BLOC1S2: variants seen among roughly 807,000 people sequenced by gnomAD.
BLOC1S2 encodes biogenesis of lysosome-related organelles complex 1 subunit 2.
A neutral mutation model predicts 19.6 loss-of-function variants in BLOC1S2; 12 were observed. That is an observed-to-expected ratio of 0.61 (90% confidence interval 0.39 to 0.99). The LOEUF (loss-of-function observed/expected upper bound fraction) is 0.99, where lower values mean the gene tolerates loss of function less well. Ranked by LOEUF, BLOC1S2 falls within the 50% of genes least tolerant of loss-of-function variation. BLOC1S2 has a pLI of 0.00. For missense variants in BLOC1S2, 142 were observed against 171.0 expected (o/e 0.83, Z 0.95); for synonymous variants, 66 against 64.1 (o/e 1.03, Z -0.14).
intron 4 of BLOC1S2, among the ~76,000 whole-genome samples, chr10:100,277,209 A>G (rs1847911600): frequency 6.8e-6 from 1 of 147,036 alleles, no homozygotes; most frequent in African/African-American, 2.6e-5. Flanking sequence ...CTGAGAAGTG[A>G]GGAGACCCTC....
chr10:100,280,889 G>C (rs1848085439), intron 3 of BLOC1S2, 45 bp downstream of exon 3: 1 of 1,565,802 alleles, frequency 6.4e-7, no homozygotes, highest in Non-Finnish European at 8.6e-7. Context: ...AAGCACAAAA[G>C]AACATTAAAT....
In BLOC1S2 at chr10:100,277,668, C is replaced by T. The variant is rs546875394; in HGVS notation, c.398-2175G>A. 4.0e-3 allele frequency among the ~76,000 whole-genome samples: 546 copies of T among 135,822 alleles called. 11 individuals carry two copies. The highest frequency in any genetic ancestry group is 0.014 in the African/African-American group (510 of 35,716). 89.1% of individuals were successfully genotyped at this position (135,822 alleles called of 152,430 possible). A position where few individuals can be genotyped will look rare whatever the true frequency, so the allele number is the denominator to read the frequency against. On this transcript the variant is annotated intron_variant, in intron 4 of 4. Coordinates refer to ENST00000370372, the MANE Select transcript of BLOC1S2 (RefSeq NM_173809.5). ...CCAGGAGGGAGGTGGGGGGCTCAGC[C>T]CCCCCGCCCGGCCAGCCGCCCCGTC... is the stretch of plus-strand genomic sequence containing the variant.
At chr10:100,276,920 G>A (rs1342301976) in intron 4 of BLOC1S2, among the ~76,000 whole-genome samples, 2 of 152,170 alleles carry the variant, frequency 1.3e-5, no homozygotes, top group Admixed American at 6.5e-5. Context: ...CTGCCTGGCC[G>A]CCACCCCGTC....
chr10:100,277,328 A>C (rs1356177687), intron 4 of BLOC1S2, among the ~76,000 whole-genome samples: 9 of 147,400 alleles, frequency 6.1e-5, no homozygotes, highest in Non-Finnish European at 1.2e-4. Context: ...GCCGGGAGGG[A>C]GGTGGGGGTC....
chr10:100,282,187 T>A (rs1314582385), intron 2 of BLOC1S2, among the ~76,000 whole-genome samples: 1 of 152,208 alleles, frequency 6.6e-6, no homozygotes, highest in Non-Finnish European at 1.5e-5. Flanking sequence ...ATCAATATAT[T>A]CAGATTTCTT....
rs1554910962 is a variant in BLOC1S2 at position 100,281,693 on chromosome 10, A to AATATATATAT, written c.173-650_173-641dup. 3.2e-4 allele frequency among the ~76,000 whole-genome samples: 45 copies of AATATATATAT among 138,880 alleles called. 1 individual carries two copies. The highest frequency in any genetic ancestry group is 1.1e-3 in the Admixed American group (15 of 13,930). 91.1% of individuals were successfully genotyped at this position (138,880 alleles called of 152,430 possible). On this transcript the variant is annotated intron_variant, in intron 2 of 4. Transcript: ENST00000370372. Reference sequence around the variant, plus strand: ...GTGAGACTCCATCTCAAAAAAAAAAAATATATATATATACACATACACACA... The same window carrying AATATATATAT: ...GTGAGACTCCATCTCAAAAAAAAAAAATATATATATATATATATATATACACATACACACA...
At chr10:100,279,900 CA>C in intron 4 of BLOC1S2, 1 of 302,914 alleles carries the variant, frequency 3.3e-6, no homozygotes, top group Non-Finnish European at 5.9e-6. Context: ...AAACCAAAAA[CA>C]AAAACCAAAC....
Position 100,275,334 on chromosome 10 carries a change from G to C in BLOC1S2, c.*128C>G. 1 of 947,012 alleles carries C rather than the reference G, an allele frequency of 1.1e-6. No homozygotes were observed. Among genetic ancestry groups the C allele is most frequent in the East Asian group, 2.4e-5 (1 of 41,366 alleles). 58.7% of individuals were successfully genotyped at this position (947,012 alleles called of 1,614,324 possible). On this transcript the variant is annotated 3_prime_UTR_variant, in exon 5 of 5. Coordinates refer to ENST00000370372, the MANE Select transcript of BLOC1S2 (RefSeq NM_173809.5). Reference sequence around the variant, plus strand: ...CTCCAGTTTACTCGAACGTTGAGATGTTCCTGTGATGACCAGCATAATTTC... The same window carrying C: ...CTCCAGTTTACTCGAACGTTGAGATCTTCCTGTGATGACCAGCATAATTTC...
chr10:100,282,120 C>G (rs1383705696), intron 2 of BLOC1S2, among the ~76,000 whole-genome samples: 5 of 152,196 alleles, frequency 3.3e-5, no homozygotes, highest in Non-Finnish European at 7.3e-5. Context: ...CTTCAATCAT[C>G]TCCTTTCACT....
chr10:100,275,813 C>G (rs1847835129), intron 4 of BLOC1S2, among the ~76,000 whole-genome samples: 1 of 152,200 alleles, frequency 6.6e-6, no homozygotes. Flanking sequence ...AAAAAACTGC[C>G]TCTCTCAGCA....
intron 4 of BLOC1S2, among the ~76,000 whole-genome samples, chr10:100,277,338 C>G (rs1847919857): frequency 6.7e-6 from 1 of 149,250 alleles, no homozygotes; most frequent in African/African-American, 2.5e-5. Flanking sequence ...AGGTGGGGGT[C>G]AGCCCCCCGC....
intron 3 of BLOC1S2, among the ~76,000 whole-genome samples, chr10:100,280,628 T>C (rs73340072): frequency 0.049 from 7,437 of 152,306 alleles, 603 homozygotes; most frequent in African/African-American, 0.17. Context: ...GAGTTTTTGG[T>C]TTTCTGCTTA....
At chr10:100,276,322 C>CCT in intron 4 of BLOC1S2, among the ~76,000 whole-genome samples, 1 of 93,132 alleles carries the variant, frequency 1.1e-5, no homozygotes, top group South Asian at 2.9e-4. Context: ...CTCCCGTCTC[C>CCT]CTCTCTCTCT....
intron 1 of BLOC1S2, 76 bp from the exon 2 acceptor site, chr10:100,286,289 C>G: frequency 1.3e-6 from 2 of 1,543,716 alleles, no homozygotes; most frequent in East Asian, 4.6e-5. Flanking sequence ...GTTCCGACAT[C>G]CCTCCACTTG....
chr10:100,282,429 G>A (rs938467816), intron 2 of BLOC1S2, among the ~76,000 whole-genome samples: 1 of 152,170 alleles, frequency 6.6e-6, no homozygotes, highest in African/African-American at 2.4e-5. Flanking sequence ...CATTTGCTCA[G>A]TTCTTATCCT....
At chr10:100,279,695 A>G (rs566347962) in intron 4 of BLOC1S2, among the ~76,000 whole-genome samples, 2 of 152,286 alleles carry the variant, frequency 1.3e-5, no homozygotes, top group Admixed American at 6.5e-5. Flanking sequence ...CCTGACCAAC[A>G]TGAGAGACCC....
Position 100,284,801 on chromosome 10 carries a change from A to AAAT in BLOC1S2, c.172+1293_172+1295dup, listed in dbSNP as rs747849762. On this transcript the variant is annotated intron_variant, in intron 2 of 4. Coordinates refer to ENST00000370372, the MANE Select transcript of BLOC1S2 (RefSeq NM_173809.5). ...CCACCGTGCCTGGCCATATTTTTTTAAATAATAATAATAATAAAAGAAAAG... is the reference window on the plus strand; with the variant it reads ...CCACCGTGCCTGGCCATATTTTTTTAAATAATAATAATAATAATAAAAGAAAAG... 2.9e-4 allele frequency among the ~76,000 whole-genome samples: 44 copies of AAAT among 151,632 alleles called. 1 individual carries two copies. Among genetic ancestry groups the AAAT allele is most frequent in the Non-Finnish European group, 4.1e-4 (28 of 67,754 alleles).
chr10:100,286,413 T>C (rs1848241979), intron 1 of BLOC1S2, 192 bp downstream of exon 1: 2 of 1,463,068 alleles, frequency 1.4e-6, no homozygotes, highest in African/African-American at 2.8e-5. Context: ...CCCTCGCCCA[T>C]ACCCGGCACC....
Position 100,274,878 on chromosome 10 carries a change from T to C in BLOC1S2, c.*584A>G, listed in dbSNP as rs1209346928. 3 of 398,114 alleles carry C rather than the reference T, an allele frequency of 7.5e-6. No homozygotes were observed. Among genetic ancestry groups the C allele is most frequent in the Non-Finnish European group, 1.3e-5 (3 of 225,916 alleles). 24.7% of individuals were successfully genotyped at this position (398,114 alleles called of 1,614,324 possible). ...ATCACATACGCCAAGTTATCAATAC[T>C]CCTTTCACCATTTCTGCTCAATCTA... On this transcript the variant is annotated 3_prime_UTR_variant, in exon 5 of 5. Transcript: ENST00000370372.
Sources: gnomAD v4.1 joint callset for allele counts (sites outside exome capture counted in the v4.1 genomes callset) on GRCh38, gnomAD v4.1.1 for gene constraint, MANE v1.5 for transcripts, NCBI Gene and HGNC (gene_info 2026-07-23, HGNC 2026-07-21) for gene names.